Variants in MYOM1 observed in about 807,000 individuals in gnomAD.
The protein encoded by MYOM1 is myomesin-1.
A neutral mutation model predicts 205.3 loss-of-function variants in MYOM1; 164 were observed. The observed-to-expected ratio is 0.80, with a 90% CI of 0.70 to 0.91. MYOM1 has a LOEUF of 0.91. Ranked by LOEUF, MYOM1 falls within the 40% of genes least tolerant of loss-of-function variation. The pLI is 0.00. For missense variants in MYOM1, 2,011 were observed against 2,127.3 expected, an observed-to-expected ratio of 0.95 and a Z score of 1.08; for synonymous variants, 772 against 789.4, an observed-to-expected ratio of 0.98 and a Z score of 0.37.
At chr18:3,231,065 C>G in the MYOM1 span, among the ~76,000 whole-genome samples, 1 of 152,234 alleles carries the variant, frequency 6.6e-6, no homozygotes, top group Non-Finnish European at 1.5e-5. Flanking sequence ...ACTCATACCC[C>G]TTCCTGAGGA....
intron 10 of MYOM1, among the ~76,000 whole-genome samples, chr18:3,161,771 G>A (rs767773161): frequency 6.6e-6 from 1 of 152,166 alleles, no homozygotes; most frequent in Non-Finnish European, 1.5e-5. Flanking sequence ...TTCCACTTCT[G>A]CTTCTAATTA....
chr18:3,180,076 C>T (rs1048191801), intron 5 of MYOM1, among the ~76,000 whole-genome samples: 5 of 152,082 alleles, frequency 3.3e-5, no homozygotes, highest in Non-Finnish European at 5.9e-5. Flanking sequence ...GCAGGAGGAT[C>T]GTTTGAGGCC....
intron 4 of MYOM1, among the ~76,000 whole-genome samples, chr18:3,188,544 G>A (rs983388035): frequency 2.2e-4 from 34 of 151,868 alleles, no homozygotes; most frequent in Admixed American, 5.2e-4. Flanking sequence ...CAGAAGAATC[G>A]CTTGAATCCG....
At chr18:3,151,033 G>T in intron 12 of MYOM1, among the ~76,000 whole-genome samples, 1 of 142,008 alleles carries the variant, frequency 7.0e-6, no homozygotes, top group Non-Finnish European at 1.5e-5. Context: ...TAAAAGATGG[G>T]GTCTCTCTAT....
At chr18:3,165,994 G>A (rs117229893) in intron 9 of MYOM1, among the ~76,000 whole-genome samples, 1 of 152,262 alleles carries the variant, frequency 6.6e-6, no homozygotes, top group Non-Finnish European at 1.5e-5. Context: ...ACTACCCACT[G>A]CCCACTGTGC....
chr18:3,222,641 C>G (rs1388809060), upstream of MYOM1, among the ~76,000 whole-genome samples: 1 of 152,182 alleles, frequency 6.6e-6, no homozygotes, highest in Admixed American at 6.5e-5. Context: ...AACTCTTCTT[C>G]TGTAACATTT....
rs756356078 is a variant in MYOM1, at chr18:3,168,793, T to C, written c.1339+24A>G. 6.8e-6 allele frequency: 11 copies of C among 1,612,372 alleles called. No individual in the cohort carries two copies. The Admixed American group carries it at 1.8e-4, about 27-fold the overall frequency. ...TACAACCTTCGAATAAGAACCTAAG[T>C]GAGCATTCATTGTAAAGACTCACCG... On this transcript the variant is annotated intron_variant, in intron 9 of 37. Transcript: ENST00000356443.
At chr18:3,080,761 TTATC>T in intron 33 of MYOM1, among the ~76,000 whole-genome samples, 1 of 152,276 alleles carries the variant, frequency 6.6e-6, no homozygotes. Flanking sequence ...ATAACATTAT[TTATC>T]TAAAAAGATA....
the MYOM1 span, among the ~76,000 whole-genome samples, chr18:3,241,834 C>T: frequency 6.6e-5 from 10 of 152,198 alleles, no homozygotes; most frequent in African/African-American, 2.4e-4. Flanking sequence ...CGTGGGAACC[C>T]ACCTCTTACA....
chr18:3,191,701 T>A (rs1233245107), intron 3 of MYOM1, among the ~76,000 whole-genome samples: 2 of 151,908 alleles, frequency 1.3e-5, no homozygotes, highest in Non-Finnish European at 2.9e-5. Context: ...ACATCTTTTT[T>A]TTTTTTCTTT....
At chr18:3,242,107 CTGAGTTAATGCTG>C in the MYOM1 span, among the ~76,000 whole-genome samples, 5 of 152,100 alleles carry the variant, frequency 3.3e-5, no homozygotes, top group African/African-American at 1.2e-4. Flanking sequence ...CTGTGGACTT[CTGAGTTAATGCTG>C]AAATAACACT....
chr18:3,217,319 A>G (rs1158318327), intron 1 of MYOM1, among the ~76,000 whole-genome samples: 1 of 152,256 alleles, frequency 6.6e-6, no homozygotes, highest in Non-Finnish European at 1.5e-5. Context: ...AACCAATGGC[A>G]TTTGCTGAAA....
intron 27 of MYOM1, 140 bp from the exon 28 acceptor site, chr18:3,089,736 G>T (rs971016935): frequency 1.8e-6 from 1 of 558,860 alleles, no homozygotes. Context: ...TATCTTTATA[G>T]ATGAAGAAAT....
At chr18:3,169,547 C>T (rs1015173211) in intron 8 of MYOM1, among the ~76,000 whole-genome samples, 5 of 152,156 alleles carry the variant, frequency 3.3e-5, no homozygotes, top group Non-Finnish European at 4.4e-5. Context: ...AACCGGTATA[C>T]GGAAAAATGC....
intron 10 of MYOM1, among the ~76,000 whole-genome samples, chr18:3,160,377 G>A (rs115478884): frequency 0.015 from 2,243 of 151,992 alleles, 54 homozygotes; most frequent in African/African-American, 0.051. Context: ...GTAGAGATGG[G>A]GTCTTGCTAT....
chr18:3,183,344 T>C (rs1415838238), intron 5 of MYOM1, among the ~76,000 whole-genome samples: 2 of 152,186 alleles, frequency 1.3e-5, no homozygotes, highest in African/African-American at 4.8e-5. Flanking sequence ...TAATGAGGGA[T>C]GTGTGTGCCC....
Position 3,067,300 on chromosome 18 carries a change from C to T in MYOM1, c.5020G>A (p.Ala1674Thr), listed in dbSNP as rs761995377. The change falls in exon 38 of 38, where the codon GCC becomes ACC. Residue 1674 changes from alanine (A) to threonine (T), a missense_variant. Ala to Thr is a moderately conservative substitution (Grantham distance 58). Coordinates refer to ENST00000356443, the MANE Select transcript of MYOM1 (RefSeq NM_003803.4). Reference sequence around the variant, plus strand: ...TTGCCACCTTTCAGGGACTCCAAGGCGGCCATCCTCGCCTCCTCCTCTGGG... The same window carrying T: ...TTGCCACCTTTCAGGGACTCCAAGGTGGCCATCCTCGCCTCCTCCTCTGGG... ...FIPEEEARMA[A>T]LESLKGGKKA... 15 of 1,609,710 alleles carry T rather than the reference C, an allele frequency of 9.3e-6. No homozygotes were observed. The highest frequency in any genetic ancestry group is 2.7e-5 in the African/African-American group (2 of 74,828).
At chr18:3,094,739 G>A (rs1042453387) in intron 25 of MYOM1, among the ~76,000 whole-genome samples, 5 of 151,506 alleles carry the variant, frequency 3.3e-5, no homozygotes, top group East Asian at 1.9e-4. Context: ...TCGGCTCACT[G>A]CAACCTCTGC....
the MYOM1 span, among the ~76,000 whole-genome samples, chr18:3,230,214 T>C: frequency 6.6e-6 from 1 of 152,324 alleles, no homozygotes; most frequent in East Asian, 1.9e-4. Flanking sequence ...GCTTTACAGA[T>C]ATTATTTTAT....
Sources: gnomAD v4.1 joint callset for allele counts (sites outside exome capture counted in the v4.1 genomes callset) on GRCh38, gnomAD v4.1.1 for gene constraint, MANE v1.5 for transcripts, NCBI Gene and HGNC (gene_info 2026-07-23, HGNC 2026-07-21) for gene names.